BDNF: variants seen among roughly 807,000 people sequenced by gnomAD.
BDNF encodes neurotrophic factor BDNF precursor form.
A neutral mutation model predicts 19.5 loss-of-function variants in BDNF; 1 was observed. That is an observed-to-expected ratio of 0.05 (90% CI 0.02 to 0.24). The LOEUF (loss-of-function observed/expected upper bound fraction) is 0.24. Among genes scored for constraint, BDNF ranks in the 10% least tolerant of loss-of-function variants. The probability of loss-of-function intolerance (pLI) is 1.00; values close to 1 mark genes in which losing one functional copy is unlikely to be tolerated. For missense variants in BDNF, 195 were observed against 317.6 expected, an observed-to-expected ratio of 0.61 and a Z score of 2.93; for synonymous variants, 100 against 121.6, an observed-to-expected ratio of 0.82 and a Z score of 1.17.
chr11:27,700,384 G>C lies in BDNF; in HGVS notation c.-242C>G. ...GGGAGCCCGAGGCGCTACGGGGTGC[G>C]CGGGACAGCGAGCGGGCGGGTGCGC... On this transcript the variant is annotated 5_prime_UTR_variant, in exon 1 of 2. Coordinates refer to ENST00000356660, the MANE Select transcript of BDNF (RefSeq NM_001709.5). The C allele has an allele frequency of 2.0e-6, 2 of 985,840 alleles. No homozygotes were observed. Among genetic ancestry groups the C allele is most frequent in the Non-Finnish European group, 2.4e-6 (2 of 830,134 alleles). 61.1% of individuals were successfully genotyped at this position (985,840 alleles called of 1,614,324 possible).
upstream of BDNF, among the ~76,000 whole-genome samples, chr11:27,703,401 A>G (rs1009725722): frequency 6.6e-6 from 1 of 152,128 alleles, no homozygotes; most frequent in African/African-American, 2.4e-5. Context: ...AATGAGTTCT[A>G]CCCTCAGGTT....
At chr11:27,713,056 A>T (rs1046226369) in intron 1 of BDNF, among the ~76,000 whole-genome samples, 5 of 148,262 alleles carry the variant, frequency 3.4e-5, no homozygotes, top group African/African-American at 1.2e-4. Context: ...TACAGGCATG[A>T]ACCACTAATT....
chr11:27,721,718 C>T (rs1245666977), exon 1 of BDNF: 3 of 501,260 alleles, frequency 6.0e-6, no homozygotes, highest in Non-Finnish European at 1.1e-5. Context: ...TTACGTGATT[C>T]TAATGAATGA....
intron 1 of BDNF, among the ~76,000 whole-genome samples, chr11:27,659,823 T>G (rs116666402): frequency 6.6e-6 from 1 of 152,194 alleles, no homozygotes; most frequent in African/African-American, 2.4e-5. Context: ...AGAGGGTTGC[T>G]CTACTCTAAA....
chr11:27,711,205 A>T (rs188464020), intron 1 of BDNF, among the ~76,000 whole-genome samples: 2 of 152,354 alleles, frequency 1.3e-5, no homozygotes, highest in Admixed American at 6.5e-5. Context: ...AAGAAAAATA[A>T]TCGTCTTAGC....
chr11:27,661,537 C>T (rs950492221), intron 1 of BDNF, among the ~76,000 whole-genome samples: 9 of 152,174 alleles, frequency 5.9e-5, no homozygotes, highest in South Asian at 2.1e-4. Flanking sequence ...GTGACCACAA[C>T]GTCCCGATGC....
At chr11:27,677,880 ACAC>A in intron 1 of BDNF, 1 of 152,370 alleles carries the variant, frequency 6.6e-6, no homozygotes, top group South Asian at 2.1e-4. Flanking sequence ...ACAGAGATTT[ACAC>A]CAGTTCCTTT....
At chr11:27,673,032 G>A (rs1357827517) in intron 1 of BDNF, among the ~76,000 whole-genome samples, 3 of 152,072 alleles carry the variant, frequency 2.0e-5, no homozygotes, top group Non-Finnish European at 2.9e-5. Context: ...AAATGGGTGG[G>A]GCTGAGATGA....
intron 1 of BDNF, among the ~76,000 whole-genome samples, chr11:27,679,244 C>T (rs924253825): frequency 4.6e-5 from 7 of 152,110 alleles, no homozygotes; most frequent in African/African-American, 1.2e-4. Flanking sequence ...ATAATGTCCT[C>T]TCACTTCTAG....
intron 1 of BDNF, chr11:27,660,300 A>C: frequency 9.2e-7 from 1 of 1,087,308 alleles, no homozygotes; most frequent in Non-Finnish European, 1.2e-6. Flanking sequence ...TTTCTTTTAG[A>C]TTTACTCTCA....
At chr11:27,672,008 C>T (rs573476738) in intron 1 of BDNF, among the ~76,000 whole-genome samples, 1 of 152,194 alleles carries the variant, frequency 6.6e-6, no homozygotes, top group East Asian at 1.9e-4. Flanking sequence ...TGTCATCTTT[C>T]CTCTTTGGTT....
chr11:27,674,008 T>C (rs1855745953), intron 1 of BDNF: 9 of 1,484,030 alleles, frequency 6.1e-6, no homozygotes, highest in Non-Finnish European at 7.2e-6. Context: ...CAAGAAATCT[T>C]GGGGGAAAGA....
intron 1 of BDNF, among the ~76,000 whole-genome samples, chr11:27,714,235 A>G (rs942742189): frequency 6.6e-6 from 1 of 152,166 alleles, no homozygotes; most frequent in African/African-American, 2.4e-5. Context: ...GGACAGATCT[A>G]TAGCATTTCC....
At chr11:27,676,823 A>C (rs1016493982) in intron 1 of BDNF, among the ~76,000 whole-genome samples, 1 of 152,214 alleles carries the variant, frequency 6.6e-6, no homozygotes, top group African/African-American at 2.4e-5. Context: ...AGTCCTGAAA[A>C]TAATGTTAAT....
At chr11:27,687,851 C>T (rs573228173) in intron 1 of BDNF, among the ~76,000 whole-genome samples, 145 of 152,330 alleles carry the variant, frequency 9.5e-4, no homozygotes, top group African/African-American at 3.4e-3. Flanking sequence ...TCGACCCCTG[C>T]TGGGAGGTGT....
intron 1 of BDNF, chr11:27,696,259 G>T (rs570583403): frequency 1.2e-4 from 18 of 152,248 alleles, no homozygotes; most frequent in South Asian, 8.3e-4. Context: ...AAATACCAAA[G>T]CCACTCTATG....
At chr11:27,674,159 A>C in intron 1 of BDNF, 1 of 1,611,432 alleles carries the variant, frequency 6.2e-7, no homozygotes, top group East Asian at 2.2e-5. Flanking sequence ...CATGCCATAC[A>C]GAAGCGTGTG....
chr11:27,699,507 C>A, intron 1 of BDNF: 3 of 1,612,490 alleles, frequency 1.9e-6, no homozygotes, highest in East Asian at 2.2e-5. Context: ...AGAAGAGGGG[C>A]GCAGGATGGG....
At chr11:27,698,249 A>G (rs1358798153) in intron 1 of BDNF, 1 of 142,466 alleles carries the variant, frequency 7.0e-6, no homozygotes, top group Non-Finnish European at 1.5e-5. Context: ...AAAAAAAAAA[A>G]AAAAAAAGTC....
Sources: allele counts gnomAD v4.1 joint callset (sites outside exome capture counted in the v4.1 genomes callset), GRCh38; gene constraint gnomAD v4.1.1; transcripts MANE v1.5; gene names NCBI Gene and HGNC (gene_info 2026-07-23, HGNC 2026-07-21).